MRM1: variants seen among roughly 807,000 people sequenced by gnomAD.
MRM1 encodes the protein rRNA methyltransferase 1, mitochondrial.
In MRM1, 24 loss-of-function variants were observed where a neutral mutation model predicts 25.0. That is an observed-to-expected ratio of 0.96 (90% CI 0.69 to 1.35). The LOEUF (loss-of-function observed/expected upper bound fraction) is 1.35, where lower values mean the gene tolerates loss of function less well. Among genes scored for constraint, MRM1 ranks in the 40% most tolerant of loss-of-function variants. The pLI, the probability that MRM1 is intolerant of heterozygous loss-of-function variation, is 0.00. For missense variants in MRM1, 431 were observed against 464.1 expected (o/e 0.93, Z 0.65); for synonymous variants, 188 against 199.2 (o/e 0.94, Z 0.47).
At chr17:36,628,237 C>T in the MRM1 span, among the ~76,000 whole-genome samples, 1 of 152,214 alleles carries the variant, frequency 6.6e-6, no homozygotes, top group Admixed American at 6.5e-5. Context: ...ATCCTCTGGC[C>T]TTGGCCTCTC....
the MRM1 span, among the ~76,000 whole-genome samples, chr17:36,626,684 G>C: frequency 3.3e-5 from 5 of 152,150 alleles, no homozygotes; most frequent in Admixed American, 6.5e-5. Flanking sequence ...TTACAGATGG[G>C]GAAGCACACC....
the MRM1 span, among the ~76,000 whole-genome samples, chr17:36,631,013 G>A: frequency 3.9e-5 from 6 of 152,184 alleles, no homozygotes; most frequent in Non-Finnish European, 5.9e-5. Context: ...CTAAGTCCCA[G>A]TTTCATCATC....
intron 2 of MRM1, among the ~76,000 whole-genome samples, chr17:36,607,266 C>G (rs2074938378): frequency 6.6e-6 from 1 of 152,142 alleles, no homozygotes; most frequent in Non-Finnish European, 1.5e-5. Flanking sequence ...TTCAGCCTCC[C>G]AAAGTGCTGG....
downstream of MRM1, among the ~76,000 whole-genome samples, chr17:36,611,098 C>T (rs1418842655): frequency 6.6e-6 from 1 of 152,194 alleles, no homozygotes; most frequent in Non-Finnish European, 1.5e-5. Context: ...TACAGGCGTG[C>T]ACTACCATGC....
At chr17:36,604,324 C>A (rs1022097632) in intron 2 of MRM1, among the ~76,000 whole-genome samples, 39 of 152,232 alleles carry the variant, frequency 2.6e-4, no homozygotes, top group African/African-American at 9.2e-4. Flanking sequence ...TCTTTTCTGA[C>A]TTGACCCATC....
At chr17:36,616,388 G>A in the MRM1 span, among the ~76,000 whole-genome samples, 1 of 152,206 alleles carries the variant, frequency 6.6e-6, no homozygotes, top group African/African-American at 2.4e-5. Flanking sequence ...CTGAAACAAG[G>A]GAGCTAATTG....
At chr17:36,621,935 C>G in the MRM1 span, among the ~76,000 whole-genome samples, 3 of 152,242 alleles carry the variant, frequency 2.0e-5, no homozygotes, top group South Asian at 6.2e-4. Flanking sequence ...TTGTGTGTAT[C>G]TCTGTGGTGT....
At chr17:36,627,956 G>C in the MRM1 span, among the ~76,000 whole-genome samples, 1 of 152,122 alleles carries the variant, frequency 6.6e-6, no homozygotes, top group Non-Finnish European at 1.5e-5. Flanking sequence ...GATTACAGGT[G>C]TGAGCCACTG....
intron 2 of MRM1, among the ~76,000 whole-genome samples, chr17:36,603,672 T>G (rs2074902862): frequency 6.6e-6 from 1 of 152,180 alleles, no homozygotes; most frequent in African/African-American, 2.4e-5. Flanking sequence ...GTGCTGGGAT[T>G]ATAGGCATGA....
chr17:36,610,883 A>ATGGG (rs2074972937), downstream of MRM1, among the ~76,000 whole-genome samples: 1 of 152,024 alleles, frequency 6.6e-6, no homozygotes, highest in African/African-American at 2.4e-5. Flanking sequence ...GCACAATCCC[A>ATGGG]GCTCACTGCA....
At chr17:36,611,620 G>A (rs966072659), downstream of MRM1, among the ~76,000 whole-genome samples, 7 of 152,130 alleles carry the variant, frequency 4.6e-5, no homozygotes, top group Non-Finnish European at 8.8e-5. Context: ...TACATTGGTA[G>A]ACTGAGTCAA....
chr17:36,602,550 C>G lies in MRM1; in HGVS notation c.543-3C>G. The G allele has an allele frequency of 1.2e-6, 2 of 1,614,170 alleles. No individual in the cohort carries two copies. The highest frequency in any genetic ancestry group is 1.7e-6 in the Non-Finnish European group (2 of 1,180,022). On this transcript the variant is annotated splice_polypyrimidine_tract_variant and splice_region_variant and intron_variant, in intron 1 of 4. Coordinates refer to ENST00000614766, the MANE Select transcript of MRM1 (RefSeq NM_024864.5). The surrounding 1 kb of genome is among the most constrained non-coding windows in gnomAD (Gnocchi z 4.1). ...TAATGCGGGGAACGGGGAAACCTTG[C>G]AGCTGCCCGCTCACTCCAGTAGTCA...
chr17:36,601,862 C>T lies in MRM1; in HGVS notation c.52C>T (p.Arg18Cys). 2 of 1,601,558 alleles carry T rather than the reference C, an allele frequency of 1.2e-6. No individual in the cohort carries two copies. The highest frequency in any genetic ancestry group is 1.7e-6 in the Non-Finnish European group (2 of 1,175,480). The stretch of plus-strand genomic sequence containing the variant: ...CGCGACCTGGGGTCGCCTCGTCACC[C>T]GTCATTTCTCCCATGCAGCGCGGCA... ...RGATWGRLVT[R>C]HFSHAARHGE... The change falls in exon 1 of 5, where the codon CGT becomes TGT. Residue 18 changes from arginine (R) to cysteine (C), a missense_variant. Transcript: ENST00000614766.
the MRM1 span, among the ~76,000 whole-genome samples, chr17:36,621,958 CTG>C: frequency 6.6e-6 from 1 of 152,094 alleles, no homozygotes; most frequent in Non-Finnish European, 1.5e-5. Context: ...CTCTGTGCAT[CTG>C]TGTCTTTCCA....
the MRM1 span, among the ~76,000 whole-genome samples, chr17:36,614,525 C>T: frequency 8.5e-5 from 13 of 152,186 alleles, no homozygotes; most frequent in African/African-American, 2.9e-4. Flanking sequence ...CTTCCCTCAA[C>T]CTCTAATCCA....
At chr17:36,607,498 C>G (rs2074940224) in intron 2 of MRM1, among the ~76,000 whole-genome samples, 172 bp from the exon 3 acceptor site, 1 of 151,964 alleles carries the variant, frequency 6.6e-6, no homozygotes. Context: ...TGGCGAGTGC[C>G]TGTAGTCCCA....
At position 36,602,059 on chromosome 17, in the gene MRM1, G is replaced by T. The variant is rs777464026; in HGVS notation, c.249G>T (p.Gly83=). The change falls in exon 1 of 5, where the codon GGG becomes GGT. Residue 83 remains glycine, a synonymous_variant. Coordinates refer to ENST00000614766, the MANE Select transcript of MRM1 (RefSeq NM_024864.5). The surrounding 1 kb of genome is among the most constrained non-coding windows in gnomAD (Gnocchi z 4.1). ...AGGCGGGTAAAGCTGGGCTGCAGGG[G>T]AAGCGGGCCGAGCTGCTCCGGATGG... is the stretch of plus-strand genomic sequence containing the variant. The part of the protein sequence containing the change: ...LLQAGKAGLQ[G]KRAELLRMAE... 1.1e-5 allele frequency: 18 copies of T among 1,609,958 alleles called. No homozygotes were observed. The South Asian group carries it at 2.0e-4, about 18-fold the overall frequency.
chr17:36,606,727 A>C, intron 2 of MRM1, among the ~76,000 whole-genome samples: 1 of 145,486 alleles, frequency 6.9e-6, no homozygotes, highest in Non-Finnish European at 1.5e-5. Context: ...CCTCCCTCAG[A>C]CTCCCAAATA....
intron 2 of MRM1, chr17:36,603,052 C>G: frequency 1.0e-6 from 1 of 985,412 alleles, no homozygotes; most frequent in Non-Finnish European, 1.2e-6. Context: ...CCATTAGTAT[C>G]TAGCAAGAGA....
Sources: gnomAD v4.1 joint callset for allele counts (sites outside exome capture counted in the v4.1 genomes callset) on GRCh38, gnomAD v4.1.1 for gene constraint, Gnocchi (gnomAD v3.1) non-coding constraint, MANE v1.5 for transcripts, NCBI Gene and HGNC (gene_info 2026-07-23, HGNC 2026-07-21) for gene names.